CFAP61: variants seen among roughly 807,000 people sequenced by gnomAD.
CFAP61 encodes the protein cilia and flagella associated protein 61.
CFAP61 carries 107 observed loss-of-function variants against 135.6 expected under a neutral mutation model. The observed-to-expected ratio is 0.79, with a 90% CI of 0.67 to 0.93. CFAP61 has a LOEUF of 0.93. Ranked by LOEUF, CFAP61 falls within the 40% of genes least tolerant of loss-of-function variation. The probability of loss-of-function intolerance (pLI) is 0.00; values close to 1 mark genes in which losing one functional copy is unlikely to be tolerated. For missense variants in CFAP61, 1,507 were observed against 1,556.2 expected (o/e 0.97, Z 0.53); for synonymous variants, 575 against 578.5 (o/e 0.99, Z 0.09).
intron 25 of CFAP61, among the ~76,000 whole-genome samples, chr20:20,313,542 T>C (rs2056947111): frequency 6.6e-6 from 1 of 152,150 alleles, no homozygotes; most frequent in Admixed American, 6.5e-5. Flanking sequence ...TGTGTAGCAG[T>C]GATGGGAATG....
chr20:20,193,771 G>A (rs776730796), intron 15 of CFAP61, among the ~76,000 whole-genome samples: 2 of 152,014 alleles, frequency 1.3e-5, no homozygotes, highest in African/African-American at 2.4e-5. Context: ...GCACCACCAC[G>A]CACGGCTAAT....
At chr20:20,117,088 G>C (rs2049200629) in intron 8 of CFAP61, among the ~76,000 whole-genome samples, 3 of 152,268 alleles carry the variant, frequency 2.0e-5, no homozygotes, top group South Asian at 4.1e-4. Flanking sequence ...AGGCACAGTG[G>C]CTCACACCTG....
At chr20:20,075,366 T>A in intron 5 of CFAP61, 110 bp downstream of exon 5, 1 of 1,427,762 alleles carries the variant, frequency 7.0e-7, no homozygotes, top group Non-Finnish European at 9.8e-7. Context: ...GTCCTCAATG[T>A]ACCATGTGCA....
At chr20:20,062,553 G>A (rs1600360158) in intron 2 of CFAP61, among the ~76,000 whole-genome samples, 1 of 151,274 alleles carries the variant, frequency 6.6e-6, no homozygotes, top group East Asian at 2.0e-4. Flanking sequence ...TCTGGTAGAG[G>A]ATAAACAAAG....
intron 17 of CFAP61, among the ~76,000 whole-genome samples, chr20:20,210,372 A>T (rs1417745947): frequency 6.6e-6 from 1 of 152,118 alleles, no homozygotes; most frequent in Non-Finnish European, 1.5e-5. Context: ...ATCAACTTTG[A>T]CTTTTGATGC....
chr20:20,242,426 G>C (rs2146968941), intron 18 of CFAP61, among the ~76,000 whole-genome samples: 1 of 152,354 alleles, frequency 6.6e-6, no homozygotes, highest in South Asian at 2.1e-4. Flanking sequence ...TTGAGCATGT[G>C]AGTTCTTCAG....
chr20:20,060,580 G>A (rs1568799864), intron 2 of CFAP61, among the ~76,000 whole-genome samples: 1 of 152,220 alleles, frequency 6.6e-6, no homozygotes, highest in Non-Finnish European at 1.5e-5. Context: ...TTTTATTTAA[G>A]ATGGAGGGTG....
intron 21 of CFAP61, among the ~76,000 whole-genome samples, chr20:20,269,328 T>C (rs190535808): frequency 6.6e-6 from 1 of 150,684 alleles, no homozygotes; most frequent in East Asian, 1.9e-4. Context: ...ATATATAAAC[T>C]ATAAAATGTA....
At chr20:20,311,406 A>G (rs574044341) in intron 25 of CFAP61, among the ~76,000 whole-genome samples, 2 of 152,372 alleles carry the variant, frequency 1.3e-5, no homozygotes, top group East Asian at 3.9e-4. Flanking sequence ...CAAATTTTTA[A>G]AAAAGATATT....
intron 25 of CFAP61, among the ~76,000 whole-genome samples, chr20:20,318,434 C>A (rs905342375): frequency 6.6e-6 from 1 of 152,202 alleles, no homozygotes; most frequent in African/African-American, 2.4e-5. Context: ...ATCTTGTCTG[C>A]AAGTGACAGA....
chr20:20,332,177 A>G (rs1476540506), intron 25 of CFAP61, among the ~76,000 whole-genome samples: 1 of 152,250 alleles, frequency 6.6e-6, no homozygotes, highest in East Asian at 1.9e-4. Flanking sequence ...GACGGCAGAC[A>G]TTGCTGTAAG....
At chr20:20,068,290 ACT>A (rs1212242013) in intron 2 of CFAP61, among the ~76,000 whole-genome samples, 1 of 152,142 alleles carries the variant, frequency 6.6e-6, no homozygotes, top group Non-Finnish European at 1.5e-5. Flanking sequence ...TAGAGGGAGC[ACT>A]CTCAGCTTGA....
At chr20:20,334,385 C>T (rs2058101352) in intron 25 of CFAP61, among the ~76,000 whole-genome samples, 1 of 152,168 alleles carries the variant, frequency 6.6e-6, no homozygotes, top group Admixed American at 6.5e-5. Context: ...CCTCGGCCTC[C>T]CAAAGTGCTG....
intron 9 of CFAP61, among the ~76,000 whole-genome samples, chr20:20,158,541 A>G (rs1436036242): frequency 6.6e-6 from 1 of 152,220 alleles, no homozygotes; most frequent in Non-Finnish European, 1.5e-5. Flanking sequence ...GTGCATCCAC[A>G]CCAGGATACT....
At position 20,201,538 on chromosome 20, in the gene CFAP61, A is replaced by G. The variant is rs1037104707; in HGVS notation, c.1932+1636A>G. 4.6e-5 allele frequency among the ~76,000 whole-genome samples: 7 copies of G among 152,226 alleles called. No individual in the cohort carries two copies. In the East Asian group the frequency reaches 1.3e-3, roughly 29 times the overall value. The stretch of plus-strand genomic sequence containing the variant: ...TGGAAGACATTTGGGATGGGCCACC[A>G]TGTGGTCTGTTTGCATGTGAAGATC... On this transcript the variant is annotated intron_variant, in intron 17 of 26. Coordinates refer to ENST00000245957, the MANE Select transcript of CFAP61 (RefSeq NM_015585.4).
At chr20:20,226,565 G>T (rs1365466341) in intron 17 of CFAP61, among the ~76,000 whole-genome samples, 1 of 152,170 alleles carries the variant, frequency 6.6e-6, no homozygotes, top group Non-Finnish European at 1.5e-5. Context: ...TATGGGTTTC[G>T]GGTAGGGTTT....
intron 8 of CFAP61, among the ~76,000 whole-genome samples, chr20:20,109,989 C>T (rs1201774984): frequency 6.6e-6 from 1 of 151,978 alleles, no homozygotes; most frequent in Non-Finnish European, 1.5e-5. Context: ...TCACTGCAAC[C>T]TCCGCCTCCC....
chr20:20,169,987 C>A (rs940907404), intron 13 of CFAP61, among the ~76,000 whole-genome samples: 1 of 152,234 alleles, frequency 6.6e-6, no homozygotes, highest in African/African-American at 2.4e-5. Flanking sequence ...GTGCTAAGTT[C>A]TGTGCCAAGT....
intron 7 of CFAP61, chr20:20,095,632 A>T (rs2047510290): frequency 2.0e-5 from 3 of 152,474 alleles, no homozygotes; most frequent in African/African-American, 7.2e-5. Context: ...AGGGAAGGGT[A>T]GTTGGAGGCC....
Sources: gnomAD v4.1 joint callset for allele counts (sites outside exome capture counted in the v4.1 genomes callset) on GRCh38, gnomAD v4.1.1 for gene constraint, MANE v1.5 for transcripts, NCBI Gene and HGNC (gene_info 2026-07-23, HGNC 2026-07-21) for gene names.